Variants in DST observed in about 807,000 individuals in gnomAD.
DST encodes dystonin.
A neutral mutation model predicts 875.2 loss-of-function variants in DST; 253 were observed. The observed-to-expected ratio is 0.29, with a 90% CI of 0.26 to 0.32. The LOEUF is 0.32. Among genes scored for constraint, DST ranks in the 10% least tolerant of loss-of-function variants. The pLI is 1.00. For missense variants in DST, 8,287 were observed against 9,111.6 expected, an observed-to-expected ratio of 0.91 and a Z score of 3.68; for synonymous variants, 3,124 against 3,197.1, an observed-to-expected ratio of 0.98 and a Z score of 0.77.
rs144513504 is a variant in DST, at chr6:56,604,861, C to T, written c.9767G>A (p.Gly3256Glu). 17,987 of 1,612,540 alleles carry T rather than the reference C, an allele frequency of 0.011. 196 individuals carry two copies. The highest frequency in any genetic ancestry group is 0.037 in the South Asian group (3,326 of 91,034). The change falls in exon 40 of 104, where the codon GGA becomes GAA. Residue 3256 changes from glycine to glutamate, a missense_variant. Transcript: ENST00000680361. ...DLCSKESISG[G>E]GTEISQFTPE... ...TGTGAACTGAGAAATTTCTGTTCCT[C>T]CTCCTGAGATGCTTTCTTTACTACA...
intron 2 of DST, among the ~76,000 whole-genome samples, chr6:56,906,107 G>T (rs543033879): frequency 6.6e-6 from 1 of 152,298 alleles, no homozygotes; most frequent in African/African-American, 2.4e-5. Context: ...AAGTGTGATT[G>T]TTGGATCATA....
At chr6:56,592,648 T>C (rs1488595281) in intron 48 of DST, among the ~76,000 whole-genome samples, 2 of 152,202 alleles carry the variant, frequency 1.3e-5, no homozygotes, top group Non-Finnish European at 2.9e-5. Context: ...ACATCAATCA[T>C]CAGAGGAAGG....
At chr6:56,667,810 A>ATT (rs373670048) in intron 10 of DST, among the ~76,000 whole-genome samples, 16,538 of 149,112 alleles carry the variant, frequency 0.11, 1,904 homozygotes, top group African/African-American at 0.31. Context: ...AGAAAAATGC[A>ATT]TTATATATAT....
rs371805779 is a variant in DST, at chr6:56,646,129, C to G, written c.1608G>C (p.Glu536Asp). 3.2e-6 allele frequency: 5 copies of G among 1,541,210 alleles called. No individual in the cohort carries two copies. Among genetic ancestry groups the G allele is most frequent in the African/African-American group, 1.4e-5 (1 of 72,610 alleles). ...GACGTTTAATTTTTGATTTTTCTGT[C>G]TCCTTTGGTGGAATTTCTGTTTCTT... ...QFKETEIPPK[E>D]TEKSKIKRLY... The change falls in exon 14 of 104, where the codon GAG becomes GAC. Residue 536 changes from glutamate (E) to aspartate (D), a missense_variant. Coordinates refer to ENST00000680361, the MANE Select transcript of DST (RefSeq NM_001374736.1).
In DST at chr6:56,560,430, A is replaced by G; in HGVS notation, c.14311-7T>C. ...TCAGTTCTGCCTCAAACGACTAACA[A>G]GGGAAAAATAATAATAAATCATGTG... On this transcript the variant is annotated splice_polypyrimidine_tract_variant and splice_region_variant and intron_variant, in intron 57 of 103. Transcript: ENST00000680361. 1 of 1,583,806 alleles carries G rather than the reference A, an allele frequency of 6.3e-7. No homozygotes were observed. The highest frequency in any genetic ancestry group is 8.6e-7 in the Non-Finnish European group (1 of 1,162,510).
intron 1 of DST, 86 bp downstream of exon 1, chr6:56,954,318 CGAG>C (rs1824116317): frequency 3.8e-6 from 4 of 1,040,404 alleles, no homozygotes; most frequent in Admixed American, 2.7e-5. Flanking sequence ...TAGGGGCAGC[CGAG>C]GAGAAGGGAG....
At chr6:56,523,335 G>A (rs2096740742) in intron 69 of DST, among the ~76,000 whole-genome samples, 1 of 152,044 alleles carries the variant, frequency 6.6e-6, no homozygotes, top group Admixed American at 6.6e-5. Flanking sequence ...TTTCAAAACT[G>A]TTATTGTGAT....
At chr6:56,776,486 C>T (rs2099679437) in intron 4 of DST, among the ~76,000 whole-genome samples, 1 of 152,170 alleles carries the variant, frequency 6.6e-6, no homozygotes, top group African/African-American at 2.4e-5. Flanking sequence ...ATTTAAGATG[C>T]TAACAACAGG....
chr6:56,509,940 G>GA, intron 73 of DST, 67 bp from the exon 74 acceptor site: 2 of 1,238,286 alleles, frequency 1.6e-6, no homozygotes, highest in Non-Finnish European at 2.2e-6. Context: ...AAATTTAAAT[G>GA]AAAAAACATT....
intron 33 of DST, among the ~76,000 whole-genome samples, chr6:56,627,796 C>A (rs2098747399): frequency 6.6e-6 from 1 of 152,062 alleles, no homozygotes; most frequent in African/African-American, 2.4e-5. Context: ...TTCTGATTAC[C>A]CATGCTTTCA....
chr6:56,523,083 G>C lies in DST; in HGVS notation c.18129+3278C>G, dbSNP rs563330234. ...GCTCAACATCATTATTTACTAAGCT[G>C]CCTTGTCCCATTCAGATTCTTCCTA... On this transcript the variant is annotated intron_variant, in intron 69 of 103. Transcript: ENST00000680361. Among the ~76,000 whole-genome samples, 29 of 152,164 alleles carry C rather than the reference G, an allele frequency of 1.9e-4. 1 individual carries two copies. In the South Asian group the frequency reaches 3.7e-3, roughly 20 times the overall value.
At position 56,529,418 on chromosome 6, in the gene DST, AATAAG is replaced by A. The variant is rs762016396; in HGVS notation, c.17595+25_17595+29del. On this transcript the variant is annotated intron_variant, in intron 66 of 103. Transcript: ENST00000680361. ...GAAATAATGACAATTGAAATGAAAA[AATAAG>A]ATAAAATAAAATAAATCAAAATACC... The A allele has an allele frequency of 7.5e-5, 105 of 1,394,044 alleles. No individual in the cohort carries two copies. In the South Asian group the frequency reaches 8.4e-4, roughly 11 times the overall value. The allele number at this position is 1,394,044 out of a possible 1,614,324, so 86.4% of individuals were successfully genotyped here.
chr6:56,661,664 G>T (rs1307666971), intron 10 of DST, among the ~76,000 whole-genome samples: 1 of 151,372 alleles, frequency 6.6e-6, no homozygotes, highest in African/African-American at 2.4e-5. Flanking sequence ...TCAGCTCACT[G>T]CAACCTCCGC....
intron 10 of DST, among the ~76,000 whole-genome samples, chr6:56,652,578 T>C (rs2098982690): frequency 6.6e-6 from 1 of 152,230 alleles, no homozygotes; most frequent in Admixed American, 6.5e-5. Context: ...AGGCTGCTTA[T>C]ATGAAAAGCT....
intron 36 of DST, chr6:56,615,499 T>C (rs777272934): frequency 9.3e-6 from 15 of 1,613,738 alleles, no homozygotes; most frequent in African/African-American, 1.3e-5. Context: ...CCTTGCACAG[T>C]TATTTAAACA....
rs193123148 is a variant in DST at position 56,758,681 on chromosome 6, G to C, written c.626-23392C>G. ...GGTGGCTGATGTTAACTATTGGCTG[G>C]AACCTCATTTGAAGCAGTCAGCGAG... On this transcript the variant is annotated intron_variant, in intron 4 of 103. Transcript: ENST00000680361. Among the ~76,000 whole-genome samples the C allele has an allele frequency of 7.9e-5, 12 of 152,294 alleles. No homozygotes were observed. In the East Asian group the frequency reaches 2.3e-3, roughly 29 times the overall value.
chr6:56,502,908 T>C (rs2096183396), intron 78 of DST, among the ~76,000 whole-genome samples: 1 of 152,034 alleles, frequency 6.6e-6, no homozygotes, highest in Non-Finnish European at 1.5e-5. Flanking sequence ...ATATGGAGAG[T>C]TAAAATTGGG....
chr6:56,950,421 A>G (rs1821756753), intron 2 of DST, among the ~76,000 whole-genome samples: 1 of 152,154 alleles, frequency 6.6e-6, no homozygotes, highest in Non-Finnish European at 1.5e-5. Flanking sequence ...TACCTCAATT[A>G]CCCATATCAC....
At chr6:56,949,412 T>C (rs1206813847) in intron 2 of DST, among the ~76,000 whole-genome samples, 1 of 152,198 alleles carries the variant, frequency 6.6e-6, no homozygotes, top group Non-Finnish European at 1.5e-5. Context: ...CAGCCTCCGA[T>C]GCTCTCATTG....
Sources: allele counts gnomAD v4.1 joint callset (sites outside exome capture counted in the v4.1 genomes callset), GRCh38; gene constraint gnomAD v4.1.1; transcripts MANE v1.5; gene names NCBI Gene and HGNC (gene_info 2026-07-23, HGNC 2026-07-21).